The following SYTL2 variants were observed in gnomAD, a reference collection of about 807,000 sequenced individuals.
SYTL2 encodes synaptotagmin-like protein 2.
Under a neutral mutation model 198.7 loss-of-function variants are expected in SYTL2, and 165 were observed. The ratio of observed to expected loss-of-function variants is 0.83; its 90% CI spans 0.73 to 0.94. The LOEUF (loss-of-function observed/expected upper bound fraction) is 0.94, where lower values mean the gene tolerates loss of function less well. Ranked by LOEUF, SYTL2 falls within the 40% of genes least tolerant of loss-of-function variation. The probability of loss-of-function intolerance (pLI) is 0.00; values close to 1 mark genes in which losing one functional copy is unlikely to be tolerated. For synonymous variants in SYTL2, 966 were observed against 917.7 expected (o/e 1.05, Z -0.95); for missense variants, 2,835 against 2,582.8 (o/e 1.10, Z -2.12).
At chr11:85,737,862 A>G (rs540063) in intron 4 of SYTL2, among the ~76,000 whole-genome samples, 109,823 of 152,078 alleles carry the variant, frequency 0.72, 40,097 homozygotes, top group African/African-American at 0.82. Context: ...AGACAAGTGA[A>G]GTGAGCAGGC....
At chr11:85,737,084 A>T (rs978232635) in intron 5 of SYTL2, among the ~76,000 whole-genome samples, 1 of 152,202 alleles carries the variant, frequency 6.6e-6, no homozygotes, top group Non-Finnish European at 1.5e-5. Context: ...GAAGTGCTTC[A>T]TAGTCATTAT....
intron 1 of SYTL2, among the ~76,000 whole-genome samples, chr11:85,769,429 C>G (rs1051416073): frequency 3.9e-5 from 6 of 152,220 alleles, no homozygotes; most frequent in African/African-American, 1.4e-4. Flanking sequence ...CAGCCTGTAG[C>G]AGCTGGAAAA....
At chr11:85,811,866 C>G (rs779360509), upstream of SYTL2, among the ~76,000 whole-genome samples, 30 of 152,006 alleles carry the variant, frequency 2.0e-4, no homozygotes, top group Non-Finnish European at 3.8e-4. Context: ...TATGGGAGGC[C>G]GAGGCAGGTG....
the SYTL2 span, among the ~76,000 whole-genome samples, chr11:85,834,927 T>A: frequency 2.5e-4 from 38 of 152,144 alleles, no homozygotes; most frequent in Admixed American, 1.2e-3. Context: ...GCCTGGCTAC[T>A]TTTTAAAATT....
chr11:85,718,631 G>A, intron 10 of SYTL2, 159 bp downstream of exon 10: 3 of 641,930 alleles, frequency 4.7e-6, no homozygotes, highest in Non-Finnish European at 8.1e-6. Flanking sequence ...TATATTAAAT[G>A]TACCAAATCA....
chr11:85,807,339 T>C (rs1443705764), intron 1 of SYTL2, among the ~76,000 whole-genome samples: 1 of 152,174 alleles, frequency 6.6e-6, no homozygotes, highest in Non-Finnish European at 1.5e-5. Context: ...ATACCAAGAG[T>C]TGGATTCCAG....
In SYTL2 at chr11:85,727,073, C is replaced by A. The variant is rs1467774799; in HGVS notation, c.2285G>T (p.Gly762Val). The stretch of plus-strand genomic sequence containing the variant: ...GACCTCAGGCTTCTTCCAAGGAGAG[C>A]CATTGTTGGCAACCCCAGGTGTTGA... Reference protein sequence around the residue: ...IKSTPGVANNGSPWKKPEVQF... With the variant: ...IKSTPGVANNVSPWKKPEVQF... The change falls in exon 8 of 20, where the codon GGC becomes GTC. Residue 762 changes from glycine to valine, a missense_variant. Physicochemically the swap from Gly to Val is moderately radical, Grantham distance 109. Coordinates refer to ENST00000359152, the MANE Select transcript of SYTL2 (RefSeq NM_206927.4). 7.8e-6 allele frequency: 12 copies of A among 1,535,984 alleles called. No homozygotes were observed. The highest frequency in any genetic ancestry group is 1.0e-5 in the Non-Finnish European group (12 of 1,146,842).
intron 1 of SYTL2, among the ~76,000 whole-genome samples, chr11:85,758,380 T>G (rs1444948534): frequency 6.6e-6 from 1 of 152,176 alleles, no homozygotes; most frequent in African/African-American, 2.4e-5. Flanking sequence ...AATGAACTGG[T>G]TCTCTCTCTG....
In SYTL2 at chr11:85,734,600, G is replaced by A. The variant is rs1277236511; in HGVS notation, c.729C>T (p.Tyr243=). ...APIPKARKMI[Y]KSTDLNKDDN... ...CATCTTTGTTTAAATCAGTTGATTT[G>A]TAGATCATCTTCCTGGCTTTGGGGA... Residue 243 remains tyrosine (Y), a synonymous_variant, in exon 7 of 20, where the codon TAC becomes TAT. Transcript: ENST00000359152. 1.2e-6 allele frequency: 2 copies of A among 1,614,182 alleles called. No homozygotes were observed. Among genetic ancestry groups the A allele is most frequent in the Non-Finnish European group, 1.7e-6 (2 of 1,180,028 alleles).
intron 1 of SYTL2, among the ~76,000 whole-genome samples, chr11:85,791,123 C>T (rs567783145): frequency 1.2e-4 from 16 of 136,414 alleles, no homozygotes; most frequent in South Asian, 4.7e-4. Context: ...GCCAAGATCA[C>T]GCCACTGCAC....
At chr11:85,778,114 C>T (rs191612907) in intron 1 of SYTL2, among the ~76,000 whole-genome samples, 5 of 152,244 alleles carry the variant, frequency 3.3e-5, no homozygotes, top group Admixed American at 2.0e-4. Context: ...CCATCATGCC[C>T]GGCCGGTCTT....
chr11:85,706,544 T>C (rs771762340), intron 15 of SYTL2, among the ~76,000 whole-genome samples: 1 of 152,162 alleles, frequency 6.6e-6, no homozygotes, highest in African/African-American at 2.4e-5. Context: ...AGGGAAATAA[T>C]GTGTGGAAGA....
At chr11:85,739,526 T>G (rs979920552) in intron 4 of SYTL2, among the ~76,000 whole-genome samples, 4 of 151,790 alleles carry the variant, frequency 2.6e-5, no homozygotes, top group African/African-American at 9.7e-5. Context: ...AAAACAAGAG[T>G]CTTATTTCCT....
At position 85,724,741 on chromosome 11, in the gene SYTL2, A is replaced by G; in HGVS notation, c.4617T>C (p.Thr1539=). ...TTAATTCCTCAGGATGGCATTCAGA[A>G]GTGGCTCGCCTGGGCTCCTCTGTAC... ...IGSTEEPRRA[T]SECHPEELKE... is the part of the protein sequence containing the mutation. The change falls in exon 8 of 20, where the codon ACT becomes ACC. Residue 1539 remains threonine (T), a synonymous_variant. Transcript: ENST00000359152. 1 of 1,613,758 alleles carries G rather than the reference A, an allele frequency of 6.2e-7. No individual in the cohort carries two copies. The highest frequency in any genetic ancestry group is 8.5e-7 in the Non-Finnish European group (1 of 1,179,894).
At chr11:85,832,944 T>C in the SYTL2 span, among the ~76,000 whole-genome samples, 2 of 148,248 alleles carry the variant, frequency 1.3e-5, no homozygotes, top group Non-Finnish European at 3.0e-5. Flanking sequence ...TGCAGTGAGC[T>C]ATGATTGCTC....
At chr11:85,778,239 T>C (rs1357850408) in intron 1 of SYTL2, among the ~76,000 whole-genome samples, 2 of 152,178 alleles carry the variant, frequency 1.3e-5, no homozygotes, top group Non-Finnish European at 2.9e-5. Flanking sequence ...ATTCATACAA[T>C]GTAGGTTATG....
At chr11:85,703,556 T>C (rs957431491) in intron 16 of SYTL2, among the ~76,000 whole-genome samples, 1 of 152,112 alleles carries the variant, frequency 6.6e-6, no homozygotes, top group Non-Finnish European at 1.5e-5. Context: ...AAAGATGTTA[T>C]GATACCAAGA....
chr11:85,781,953 C>T (rs1327441783), intron 1 of SYTL2, among the ~76,000 whole-genome samples: 3 of 152,210 alleles, frequency 2.0e-5, no homozygotes, highest in Admixed American at 2.0e-4. Flanking sequence ...GTGGATCTAC[C>T]ATTCTGGGGT....
At position 85,801,728 on chromosome 11, in the gene SYTL2, A is replaced by C. The variant is rs114970272; in HGVS notation, c.-390+9226T>G. On this transcript the variant is annotated intron_variant, in intron 1 of 19. Coordinates refer to ENST00000359152, the MANE Select transcript of SYTL2 (RefSeq NM_206927.4). ...AAGGGTCAGATTGTAGCCTCATTTCACCTTTGGTCTTTGGTGAAACTCCAC... is the reference window on the plus strand; with the variant it reads ...AAGGGTCAGATTGTAGCCTCATTTCCCCTTTGGTCTTTGGTGAAACTCCAC... 3.9e-3 allele frequency among the ~76,000 whole-genome samples: 597 copies of C among 151,692 alleles called. 6 individuals carry two copies. The highest frequency in any genetic ancestry group is 0.014 in the African/African-American group (581 of 41,304).
Sources: allele counts gnomAD v4.1 joint callset (sites outside exome capture counted in the v4.1 genomes callset), GRCh38; gene constraint gnomAD v4.1.1; transcripts MANE v1.5; gene names NCBI Gene and HGNC (gene_info 2026-07-23, HGNC 2026-07-21).